ECT2: variants seen among roughly 807,000 people sequenced by gnomAD.
The protein encoded by ECT2 is protein ECT2.
In ECT2, 61 loss-of-function variants were observed where a neutral mutation model predicts 116.9. That is an observed-to-expected ratio of 0.52 (90% CI 0.42 to 0.65). The LOEUF is 0.65. Among genes scored for constraint, ECT2 ranks in the 30% least tolerant of loss-of-function variants. The pLI is 0.00. For missense variants in ECT2, 937 were observed against 1,078.7 expected (o/e 0.87, Z 1.84); for synonymous variants, 358 against 346.4 (o/e 1.03, Z -0.37).
intron 18 of ECT2, among the ~76,000 whole-genome samples, chr3:172,786,952 T>C (rs561866629): frequency 2.5e-4 from 38 of 152,362 alleles, no homozygotes; most frequent in African/African-American, 8.2e-4. Context: ...TATAATACTT[T>C]TTCACTTTAA....
chr3:172,790,555 T>C (rs1432656335), intron 18 of ECT2, among the ~76,000 whole-genome samples: 1 of 152,256 alleles, frequency 6.6e-6, no homozygotes, highest in African/African-American at 2.4e-5. Context: ...CTTTGTTCTT[T>C]TGGACATCAT....
Position 172,789,247 on chromosome 3 carries a change from C to T in ECT2, c.1907+2673C>T, listed in dbSNP as rs548056464. On this transcript the variant is annotated intron_variant, in intron 18 of 24. Transcript: ENST00000392692. ...TTTTTTTTTTTTTTTGAGACAGGAT[C>T]TCACTCTGGTTGCCCAGGCCGGAGT... 9.9e-4 allele frequency among the ~76,000 whole-genome samples: 137 copies of T among 137,740 alleles called. 1 individual carries two copies. Among genetic ancestry groups the T allele is most frequent in the African/African-American group, 3.2e-3 (120 of 36,948 alleles). 90.4% of individuals were successfully genotyped at this position (137,740 alleles called of 152,430 possible). A position where few individuals can be genotyped will look rare whatever the true frequency, so the allele number is the denominator to read the frequency against.
At chr3:172,760,337 TTATC>T in intron 7 of ECT2, 74 bp downstream of exon 7, 1 of 773,962 alleles carries the variant, frequency 1.3e-6, no homozygotes. Context: ...TAGCAGTCTT[TTATC>T]TATTTCTTTC....
intron 11 of ECT2, 36 bp downstream of exon 11, chr3:172,763,008 G>T (rs777265460): frequency 6.3e-7 from 1 of 1,598,016 alleles, no homozygotes; most frequent in South Asian, 1.1e-5. Flanking sequence ...TGTTCTGTGA[G>T]CTTGATTGTT....
At chr3:172,824,288 G>A (rs1289909534), downstream of ECT2, among the ~76,000 whole-genome samples, 1 of 152,190 alleles carries the variant, frequency 6.6e-6, no homozygotes, top group Non-Finnish European at 1.5e-5. Context: ...CAGGAAGCAT[G>A]GTGGCTGCTT....
chr3:172,819,436 C>T (rs1730356036), intron 24 of ECT2, among the ~76,000 whole-genome samples: 2 of 152,038 alleles, frequency 1.3e-5, no homozygotes, highest in South Asian at 2.1e-4. Context: ...TAAAACTTAG[C>T]AATTTAATAA....
intron 21 of ECT2, 52 bp from the exon 22 acceptor site, chr3:172,807,718 G>A: frequency 6.4e-7 from 1 of 1,552,714 alleles, no homozygotes; most frequent in South Asian, 1.2e-5. Context: ...GCATACATCT[G>A]TCATTTTCCA....
intron 13 of ECT2, 55 bp from the exon 14 acceptor site, chr3:172,773,848 T>C: frequency 3.9e-6 from 6 of 1,545,818 alleles, no homozygotes; most frequent in Non-Finnish European, 5.3e-6. Flanking sequence ...TGTCTATCTT[T>C]TAGCTCTTTT....
intron 11 of ECT2, 96 bp from the exon 12 acceptor site, chr3:172,764,182 C>A: frequency 9.1e-7 from 1 of 1,101,586 alleles, no homozygotes; most frequent in Non-Finnish European, 1.3e-6. Context: ...TGTGCAAAAT[C>A]CAGATTCTGT....
At chr3:172,762,393 G>A in intron 8 of ECT2, 23 bp from the exon 9 acceptor site, 1 of 1,492,034 alleles carries the variant, frequency 6.7e-7, no homozygotes, top group South Asian at 1.2e-5. Context: ...AACTGGTTTT[G>A]GAAGAGTGTA....
intron 18 of ECT2, among the ~76,000 whole-genome samples, chr3:172,794,209 G>A (rs1179968046): frequency 1.3e-5 from 2 of 152,052 alleles, no homozygotes; most frequent in African/African-American, 2.4e-5. Flanking sequence ...TTTTCTTTAA[G>A]AATGTTTGTG....
chr3:172,778,515 T>C (rs1306720979), intron 14 of ECT2, among the ~76,000 whole-genome samples: 2 of 151,658 alleles, frequency 1.3e-5, no homozygotes, highest in African/African-American at 4.8e-5. Context: ...CACAGCTGTG[T>C]GATTTGAGGA....
In ECT2 at chr3:172,816,679, C is replaced by T; in HGVS notation, c.2509-12C>T. 1 of 1,578,180 alleles carries T rather than the reference C, an allele frequency of 6.3e-7. No individual in the cohort carries two copies. The highest frequency in any genetic ancestry group is 8.6e-7 in the Non-Finnish European group (1 of 1,156,756). ...TTTGTCTAGGTTTAACTAATTGTAA[C>T]TTAAACTCTAGGTTACAAGAGCATT... On this transcript the variant is annotated splice_polypyrimidine_tract_variant and intron_variant, in intron 23 of 24. Coordinates refer to ENST00000392692, the MANE Select transcript of ECT2 (RefSeq NM_001258315.2).
chr3:172,754,323 A>G (rs549155620), intron 1 of ECT2, 186 bp from the exon 2 acceptor site: 78 of 436,528 alleles, frequency 1.8e-4, no homozygotes, highest in African/African-American at 1.5e-3. Context: ...CCTGTGAGTC[A>G]GGTATTAGTA....
At chr3:172,811,238 T>C (rs1370367258) in intron 22 of ECT2, among the ~76,000 whole-genome samples, 1 of 152,160 alleles carries the variant, frequency 6.6e-6, no homozygotes, top group African/African-American at 2.4e-5. Flanking sequence ...ATGAGAATTA[T>C]TGAGAAAGAA....
chr3:172,811,921 G>A (rs1728829790), intron 22 of ECT2, among the ~76,000 whole-genome samples: 1 of 151,560 alleles, frequency 6.6e-6, no homozygotes, highest in African/African-American at 2.4e-5. Context: ...CTAGGGGTAT[G>A]ACTTTTGATA....
At chr3:172,789,659 C>T (rs1050351974) in intron 18 of ECT2, among the ~76,000 whole-genome samples, 17 of 152,198 alleles carry the variant, frequency 1.1e-4, no homozygotes, top group Non-Finnish European at 1.9e-4. Context: ...TTTGACACCA[C>T]GTTATCAACT....
chr3:172,789,797 G>C (rs1229511722), intron 18 of ECT2, among the ~76,000 whole-genome samples: 2 of 152,216 alleles, frequency 1.3e-5, no homozygotes, highest in East Asian at 3.9e-4. Flanking sequence ...TTTTTTATCT[G>C]TTTGGGTTTG....
intron 24 of ECT2, chr3:172,818,754 A>G (rs1265095439): frequency 1.6e-6 from 2 of 1,286,098 alleles, no homozygotes; most frequent in Non-Finnish European, 1.0e-6. Flanking sequence ...CATCTTTGAC[A>G]TTTGTGAAGA....
Sources: gnomAD v4.1 joint callset for allele counts (sites outside exome capture counted in the v4.1 genomes callset) on GRCh38, gnomAD v4.1.1 for gene constraint, MANE v1.5 for transcripts, NCBI Gene and HGNC (gene_info 2026-07-23, HGNC 2026-07-21) for gene names.